The following ALK variants were observed in gnomAD, a reference collection of about 807,000 sequenced individuals.
ALK encodes ALK receptor tyrosine kinase, also known as ALK tyrosine kinase receptor.
ALK carries 74 observed loss-of-function variants against 163.1 expected under a neutral mutation model. That is an observed-to-expected ratio of 0.45 (90% CI 0.38 to 0.55). The LOEUF is 0.55. ALK is among the 20% of genes least tolerant of loss of function. The probability of loss-of-function intolerance (pLI) is 0.00; values close to 1 mark genes in which losing one functional copy is unlikely to be tolerated. For synonymous variants in ALK, 960 were observed against 843.2 expected (o/e 1.14, Z -2.40); for missense variants, 2,063 against 2,105.3 (o/e 0.98, Z 0.39).
At chr2:29,506,506 G>A (rs1672327677) in intron 4 of ALK, among the ~76,000 whole-genome samples, 1 of 152,160 alleles carries the variant, frequency 6.6e-6, no homozygotes, top group Non-Finnish European at 1.5e-5. Flanking sequence ...CAGCACTTTG[G>A]GAGGCCGAGG....
rs114333260 is a variant in ALK, at chr2:29,491,355, G to A, written c.1154+40560C>T. 7.2e-3 allele frequency among the ~76,000 whole-genome samples: 1,102 copies of A among 152,240 alleles called. 8 individuals are homozygous for A. Among genetic ancestry groups the A allele is most frequent in the East Asian group, 0.02 (103 of 5,172 alleles). On this transcript the variant is annotated intron_variant, in intron 4 of 28. Transcript: ENST00000389048. Reference sequence around the variant, plus strand: ...CATAATATGTACTCAGTAAGTATGCGTTGATTGCATGAATGAATGAATTGA... The same window carrying A: ...CATAATATGTACTCAGTAAGTATGCATTGATTGCATGAATGAATGAATTGA...
intron 2 of ALK, among the ~76,000 whole-genome samples, chr2:29,716,602 GA>G (rs1383195162): frequency 6.6e-6 from 1 of 152,064 alleles, no homozygotes; most frequent in African/African-American, 2.4e-5. Flanking sequence ...GTACCTGGGA[GA>G]AAAAATGAAA....
At chr2:29,221,497 A>AATG (rs1669803180) in intron 22 of ALK, among the ~76,000 whole-genome samples, 1 of 152,130 alleles carries the variant, frequency 6.6e-6, no homozygotes, top group South Asian at 2.1e-4. Flanking sequence ...CCAACATAAT[A>AATG]ATGGTTAGTT....
At chr2:29,882,697 C>T (rs750536527) in intron 1 of ALK, among the ~76,000 whole-genome samples, 2 of 152,086 alleles carry the variant, frequency 1.3e-5, no homozygotes. Flanking sequence ...ACAACGACAA[C>T]GAACTAGATA....
At chr2:29,900,491 C>T (rs1667383199) in intron 1 of ALK, among the ~76,000 whole-genome samples, 2 of 152,206 alleles carry the variant, frequency 1.3e-5, no homozygotes, top group Non-Finnish European at 2.9e-5. Flanking sequence ...CCTAAATAGG[C>T]AAAACGTAAG....
chr2:29,249,839 T>C (rs60044005), intron 12 of ALK, among the ~76,000 whole-genome samples: 6,514 of 152,264 alleles, frequency 0.043, 469 homozygotes, highest in African/African-American at 0.15. Context: ...TCCGGTGTCT[T>C]CCGGGATATT....
At chr2:29,710,546 C>T (rs1428823364) in intron 2 of ALK, among the ~76,000 whole-genome samples, 2 of 146,090 alleles carry the variant, frequency 1.4e-5, no homozygotes, top group African/African-American at 2.5e-5. Flanking sequence ...GATGGAGTCT[C>T]GTTCTGTCAC....
chr2:29,819,089 C>T (rs1165310806), intron 1 of ALK, among the ~76,000 whole-genome samples: 1 of 152,148 alleles, frequency 6.6e-6, no homozygotes, highest in Non-Finnish European at 1.5e-5. Flanking sequence ...CTGCCTCTCC[C>T]GTCCCTCCAA....
At chr2:29,439,968 A>T (rs1670495250) in intron 4 of ALK, among the ~76,000 whole-genome samples, 1 of 152,152 alleles carries the variant, frequency 6.6e-6, no homozygotes, top group South Asian at 2.1e-4. Flanking sequence ...ATGGTGGCTC[A>T]CGCCTGTAAT....
intron 3 of ALK, among the ~76,000 whole-genome samples, chr2:29,607,676 C>T (rs1356217295): frequency 1.3e-5 from 2 of 152,270 alleles, no homozygotes; most frequent in Non-Finnish European, 2.9e-5. Flanking sequence ...GCTTCTGGGA[C>T]CCCACTCTCT....
At chr2:29,624,034 T>C (rs1168330124) in intron 3 of ALK, among the ~76,000 whole-genome samples, 2 of 96,820 alleles carry the variant, frequency 2.1e-5, no homozygotes, top group African/African-American at 3.3e-5. Flanking sequence ...TCCTTTGTAA[T>C]GTGTAACATA....
At position 29,227,455 on chromosome 2, in the gene ALK, T is replaced by A; in HGVS notation, c.2914+119A>T. Reference sequence around the variant, plus strand: ...TGACCTGCGCCATAGGAAGCTTGCCTGCCAGGGACCCATAATTGTGCCTCT... The same window carrying A: ...TGACCTGCGCCATAGGAAGCTTGCCAGCCAGGGACCCATAATTGTGCCTCT... On this transcript the variant is annotated intron_variant, in intron 17 of 28. Transcript: ENST00000389048. This position sits in a 1 kb window ranked among gnomAD's most constrained non-coding sequence, Gnocchi z 4.4. 1.1e-6 allele frequency: 1 copy of A among 936,312 alleles called. No individual in the cohort carries two copies. The allele number at this position is 936,312 out of a possible 1,614,324, so 58.0% of individuals were successfully genotyped here.
intron 14 of ALK, among the ~76,000 whole-genome samples, chr2:29,232,892 G>C (rs60584994): frequency 0.034 from 5,163 of 152,246 alleles, 117 homozygotes; most frequent in Middle Eastern, 0.075. Flanking sequence ...CAGCATCACA[G>C]TCCTGTGGGA....
At chr2:29,744,036 T>A (rs1680138252) in intron 1 of ALK, among the ~76,000 whole-genome samples, 1 of 152,088 alleles carries the variant, frequency 6.6e-6, no homozygotes, top group Non-Finnish European at 1.5e-5. Flanking sequence ...TCCATGCCAC[T>A]GCATGCAAAA....
intron 9 of ALK, among the ~76,000 whole-genome samples, chr2:29,295,680 T>C (rs540084615): frequency 5.9e-5 from 9 of 152,250 alleles, no homozygotes; most frequent in Admixed American, 3.3e-4. Context: ...GGGCGAAAAA[T>C]GTGAAACCAG....
chr2:29,714,437 A>G (rs571376464), intron 2 of ALK, among the ~76,000 whole-genome samples: 1 of 152,304 alleles, frequency 6.6e-6, no homozygotes, highest in African/African-American at 2.4e-5. Context: ...GGGGTGAATA[A>G]ATCTTATTAG....
intron 1 of ALK, among the ~76,000 whole-genome samples, chr2:29,867,428 T>C (rs1025581587): frequency 1.3e-5 from 2 of 152,182 alleles, no homozygotes; most frequent in East Asian, 1.9e-4. Flanking sequence ...TGGGAGGCAA[T>C]TTGATCAAAC....
intron 11 of ALK, among the ~76,000 whole-genome samples, chr2:29,256,284 G>A (rs1362661576): frequency 6.6e-6 from 1 of 152,104 alleles, no homozygotes; most frequent in Admixed American, 6.5e-5. Context: ...TGCACCTCAG[G>A]CACCTGAGAG....
intron 3 of ALK, among the ~76,000 whole-genome samples, chr2:29,581,108 G>A (rs1486686907): frequency 1.3e-5 from 2 of 152,302 alleles, no homozygotes; most frequent in East Asian, 3.9e-4. Flanking sequence ...GAGACAAAGT[G>A]GCCAGGCATG....
Sources: gnomAD v4.1 joint callset for allele counts (sites outside exome capture counted in the v4.1 genomes callset) on GRCh38, gnomAD v4.1.1 for gene constraint, Gnocchi (gnomAD v3.1) non-coding constraint, MANE v1.5 for transcripts, NCBI Gene and HGNC (gene_info 2026-07-23, HGNC 2026-07-21) for gene names.